Variants in DCTN4 observed in about 807,000 individuals in gnomAD.
DCTN4 encodes dynactin subunit 4.
A neutral mutation model predicts 62.7 loss-of-function variants in DCTN4; 23 were observed. The ratio of observed to expected loss-of-function variants is 0.37; its 90% CI spans 0.26 to 0.52. The LOEUF (loss-of-function observed/expected upper bound fraction) is 0.52. DCTN4 is among the 20% of genes least tolerant of loss of function. DCTN4 has a pLI of 0.92. For missense variants in DCTN4, 514 were observed against 580.4 expected, an observed-to-expected ratio of 0.89 and a Z score of 1.18; for synonymous variants, 199 against 202.1, an observed-to-expected ratio of 0.98 and a Z score of 0.13.
chr5:150,725,989 G>A (rs1357823090), intron 8 of DCTN4, among the ~76,000 whole-genome samples: 3 of 151,814 alleles, frequency 2.0e-5, no homozygotes, highest in South Asian at 2.1e-4. Context: ...TGCAACCTCC[G>A]CCTCCTGGGT....
chr5:150,725,152 C>T (rs1240680157), intron 8 of DCTN4, among the ~76,000 whole-genome samples: 4 of 131,196 alleles, frequency 3.0e-5, no homozygotes, highest in Middle Eastern at 4.1e-3. Flanking sequence ...AGTGAGACTC[C>T]GTCTCAAAAA....
rs1162523419 is a variant in DCTN4, at chr5:150,709,780, T to C, written c.*1369A>G. The C allele has an allele frequency of 6.6e-6, 1 of 152,376 alleles. No individual in the cohort carries two copies. The highest frequency in any genetic ancestry group is 2.4e-5 in the African/African-American group (1 of 41,456). The allele number at this position is 152,376 out of a possible 1,614,324, so 9.4% of individuals were successfully genotyped here. ...TATGTCCCATCTGTATTCTACATTA[T>C]AATGTTATCTTTAATTTTTTAAGAC... On this transcript the variant is annotated 3_prime_UTR_variant, in exon 13 of 13. Transcript: ENST00000447998.
At chr5:150,742,192 T>C (rs771993439) in intron 3 of DCTN4, 35 bp from the exon 4 acceptor site, 3 of 1,599,296 alleles carry the variant, frequency 1.9e-6, no homozygotes, top group Admixed American at 1.7e-5. Context: ...AAGACTTTCA[T>C]AATGTGATAA....
intron 8 of DCTN4, among the ~76,000 whole-genome samples, chr5:150,727,958 T>C (rs2113037553): frequency 6.6e-6 from 1 of 152,234 alleles, no homozygotes; most frequent in South Asian, 2.1e-4. Flanking sequence ...GAAAAAGGTA[T>C]AATGCCCTAA....
chr5:150,710,371 C>T lies in DCTN4; in HGVS notation c.*778G>A, dbSNP rs1759515099. ...ATTGCCCCCCTGTGGCAGCATTAAT[C>T]CCTGGGTATTGTGGCAATATTGAAA... On this transcript the variant is annotated 3_prime_UTR_variant, in exon 13 of 13. Transcript: ENST00000447998. 1 of 152,260 alleles carries T rather than the reference C, an allele frequency of 6.6e-6. No individual in the cohort carries two copies. Among genetic ancestry groups the T allele is most frequent in the African/African-American group, 2.4e-5 (1 of 41,402 alleles). 9.4% of individuals were successfully genotyped at this position (152,260 alleles called of 1,614,324 possible). A position where few individuals can be genotyped will look rare whatever the true frequency, so the allele number is the denominator to read the frequency against.
chr5:150,741,220 C>T (rs531328320), intron 4 of DCTN4, among the ~76,000 whole-genome samples: 1 of 144,634 alleles, frequency 6.9e-6, no homozygotes, highest in African/African-American at 2.6e-5. Flanking sequence ...GAATAAAAAG[C>T]AAAACTTCTC....
chr5:150,737,226 A>G (rs918583862), intron 4 of DCTN4, among the ~76,000 whole-genome samples: 3 of 152,192 alleles, frequency 2.0e-5, no homozygotes, highest in African/African-American at 7.2e-5. Flanking sequence ...ATGGTCAACA[A>G]AGAAACAATG....
chr5:150,731,452 C>T lies in DCTN4; in HGVS notation c.575G>A (p.Arg192Gln). 6.2e-7 allele frequency: 1 copy of T among 1,613,884 alleles called. No homozygotes were observed. The highest frequency in any genetic ancestry group is 8.5e-7 in the Non-Finnish European group (1 of 1,180,012). ...YGLGTRLQRP[R>Q]AGASISTLAG... Reference sequence around the variant, plus strand: ...AAGGGTACTGATGGATGCACCAGCTCGTGGTCGCTGAAGCCTGGTTCCAAG... The same window carrying T: ...AAGGGTACTGATGGATGCACCAGCTTGTGGTCGCTGAAGCCTGGTTCCAAG... The change falls in exon 6 of 13, where the codon CGA (arginine) becomes CAA (glutamine). Residue 192 changes from arginine (R) to glutamine (Q), a missense_variant. Physicochemically the swap from Arg to Gln is conservative, Grantham distance 43. Coordinates refer to ENST00000447998, the MANE Select transcript of DCTN4 (RefSeq NM_016221.4).
chr5:150,732,704 C>A, intron 5 of DCTN4, among the ~76,000 whole-genome samples: 1 of 152,022 alleles, frequency 6.6e-6, no homozygotes, highest in South Asian at 2.1e-4. Context: ...ATTTGCTGGG[C>A]CCCAAGCAAG....
intron 4 of DCTN4, among the ~76,000 whole-genome samples, chr5:150,738,977 T>C (rs990092222): frequency 6.6e-6 from 1 of 152,044 alleles, no homozygotes; most frequent in African/African-American, 2.4e-5. Context: ...ACAGATCACT[T>C]GAGGTCAGGA....
Position 150,711,303 on chromosome 5 carries a change from C to A in DCTN4, c.1229G>T (p.Arg410Leu). Reference sequence around the variant, plus strand: ...GCACACGGTCACTTCACCCTCCTCACGCTGTGGTGTAACTTTGATGAAAAT... The same window carrying A: ...GCACACGGTCACTTCACCCTCCTCAAGCTGTGGTGTAACTTTGATGAAAAT... ...VGIFIKVTPQ[R>L]EEGEVTVCFK... Residue 410 changes from arginine (R) to leucine (L), a missense_variant, in exon 13 of 13, where the codon CGT (arginine) becomes CTT (leucine). Arg to Leu is a moderately radical substitution (Grantham distance 102). Transcript: ENST00000447998. 1 of 1,613,486 alleles carries A rather than the reference C, an allele frequency of 6.2e-7. No individual in the cohort carries two copies.
intron 3 of DCTN4, 70 bp downstream of exon 3, chr5:150,753,409 A>G: frequency 1.4e-6 from 2 of 1,428,326 alleles, no homozygotes; most frequent in Non-Finnish European, 1.9e-6. Flanking sequence ...GGTTACAGAA[A>G]TAATAATCTA....
intron 8 of DCTN4, among the ~76,000 whole-genome samples, chr5:150,726,948 A>T (rs1410748008): frequency 1.3e-5 from 2 of 152,202 alleles, no homozygotes; most frequent in African/African-American, 4.8e-5. Flanking sequence ...TCATTTTTAC[A>T]TGAAAAGTTG....
At chr5:150,715,511 G>C in intron 12 of DCTN4, 54 bp downstream of exon 12, 1 of 1,349,934 alleles carries the variant, frequency 7.4e-7, no homozygotes, top group Non-Finnish European at 1.1e-6. Flanking sequence ...GGATATAAGT[G>C]GGCATTCTAT....
intron 3 of DCTN4, among the ~76,000 whole-genome samples, chr5:150,748,024 T>C (rs11957985): frequency 0.13 from 18,694 of 144,790 alleles, 1,956 homozygotes; most frequent in African/African-American, 0.32. Flanking sequence ...TGGGAGAAAA[T>C]TTTCGCAACC....
At position 150,718,372 on chromosome 5, in the gene DCTN4, G is replaced by C. The variant is rs748636791; in HGVS notation, c.975C>G (p.Val325=). ...CAACTGGATTTGTAAGAGTCAGGAG[G>C]ACCTGGCTCTCCTGGTGAATAGGAA... ...PNLRYMKESQ[V]LLTLTNPVEN... Residue 325 remains valine (V), a synonymous_variant, in exon 11 of 13, where the codon GTC becomes GTG. Coordinates refer to ENST00000447998, the MANE Select transcript of DCTN4 (RefSeq NM_016221.4). The C allele has an allele frequency of 1.9e-6, 3 of 1,610,548 alleles. No homozygotes were observed. Among genetic ancestry groups the C allele is most frequent in the Non-Finnish European group, 2.5e-6 (3 of 1,176,824 alleles).
At chr5:150,755,482 G>C (rs768219229) in intron 2 of DCTN4, 1 of 455,646 alleles carries the variant, frequency 2.2e-6, no homozygotes. Flanking sequence ...ACAGTGACAA[G>C]TCATAAGTAT....
chr5:150,716,638 G>C (rs575595607), intron 11 of DCTN4, among the ~76,000 whole-genome samples: 3 of 152,282 alleles, frequency 2.0e-5, no homozygotes, highest in Admixed American at 2.0e-4. Context: ...AAAAAGGAAC[G>C]TCAGGGCACA....
At chr5:150,739,615 T>C (rs753658557) in intron 4 of DCTN4, among the ~76,000 whole-genome samples, 2 of 152,158 alleles carry the variant, frequency 1.3e-5, no homozygotes, top group Non-Finnish European at 2.9e-5. Context: ...AGAGCCTACA[T>C]AGCCAAAGCA....
Sources: allele counts gnomAD v4.1 joint callset (sites outside exome capture counted in the v4.1 genomes callset), GRCh38; gene constraint gnomAD v4.1.1; transcripts MANE v1.5; gene names NCBI Gene and HGNC (gene_info 2026-07-23, HGNC 2026-07-21).